Variants in NXPE2 observed in about 807,000 individuals in gnomAD.
NXPE2 encodes neurexophilin and PC-esterase domain family member 2.
NXPE2 carries 34 observed loss-of-function variants against 34.4 expected under a neutral mutation model. That is an observed-to-expected ratio of 0.99 (90% confidence interval 0.75 to 1.31). The LOEUF (loss-of-function observed/expected upper bound fraction) is 1.31. Among genes scored for constraint, NXPE2 ranks in the 40% most tolerant of loss-of-function variants. The pLI, the probability that NXPE2 is intolerant of heterozygous loss-of-function variation, is 0.00. For missense variants in NXPE2, 649 were observed against 672.5 expected (o/e 0.97, Z 0.39); for synonymous variants, 235 against 231.3 (o/e 1.02, Z -0.15).
At chr11:114,549,793 T>C in the NXPE2 span, among the ~76,000 whole-genome samples, 8 of 152,088 alleles carry the variant, frequency 5.3e-5, no homozygotes, top group Non-Finnish European at 1.0e-4. Context: ...AAATAATCTT[T>C]ATTTTCAGAT....
the NXPE2 span, among the ~76,000 whole-genome samples, chr11:114,715,101 T>C: frequency 2.0e-5 from 3 of 152,190 alleles, no homozygotes; most frequent in African/African-American, 2.4e-5. Context: ...ATAACACTGG[T>C]TGAGGATAGA....
chr11:114,603,778 G>A, the NXPE2 span, among the ~76,000 whole-genome samples: 2 of 142,824 alleles, frequency 1.4e-5, no homozygotes, highest in Admixed American at 1.4e-4. Context: ...GGTAACTACT[G>A]TTACCTGGAG....
intron 2 of NXPE2, among the ~76,000 whole-genome samples, chr11:114,693,521 T>C (rs1951191782): frequency 6.6e-6 from 1 of 152,188 alleles, no homozygotes; most frequent in Non-Finnish European, 1.5e-5. Flanking sequence ...ATAAAACAGA[T>C]TCAAGTAATA....
the NXPE2 span, among the ~76,000 whole-genome samples, chr11:114,555,393 AT>A: frequency 6.6e-6 from 1 of 152,004 alleles, no homozygotes. Context: ...TGCCCGGCTA[AT>A]TTTTTATATT....
the NXPE2 span, among the ~76,000 whole-genome samples, chr11:114,490,426 G>A: frequency 6.6e-6 from 1 of 152,152 alleles, no homozygotes; most frequent in Admixed American, 6.5e-5. Flanking sequence ...AAAGCTGGAG[G>A]CATCACGCTA....
chr11:114,550,973 G>C, the NXPE2 span: 4,507 of 600,524 alleles, frequency 7.5e-3, 170 homozygotes, highest in African/African-American at 0.075. Context: ...GTTAGGTAGA[G>C]AGAGAGAAGA....
At chr11:114,663,042 C>A in the NXPE2 span, among the ~76,000 whole-genome samples, 1 of 152,120 alleles carries the variant, frequency 6.6e-6, no homozygotes, top group Non-Finnish European at 1.5e-5. Context: ...CATTTCTGGT[C>A]CTGCTCTGCA....
chr11:114,655,483 T>C, the NXPE2 span, among the ~76,000 whole-genome samples: 1 of 152,202 alleles, frequency 6.6e-6, no homozygotes, highest in East Asian at 1.9e-4. Flanking sequence ...CTTTAATCCA[T>C]CTTGAGTGAA....
the NXPE2 span, among the ~76,000 whole-genome samples, chr11:114,656,654 A>G: frequency 1.3e-5 from 2 of 152,074 alleles, no homozygotes; most frequent in African/African-American, 2.4e-5. Flanking sequence ...CCCAAAATCA[A>G]TGGGCAAAAA....
the NXPE2 span, among the ~76,000 whole-genome samples, chr11:114,645,128 C>G: frequency 6.6e-6 from 1 of 151,852 alleles, no homozygotes; most frequent in South Asian, 2.1e-4. Context: ...ATGGTGAAAC[C>G]CCATCTTTAC....
the NXPE2 span, among the ~76,000 whole-genome samples, chr11:114,661,642 C>T: frequency 6.6e-6 from 1 of 152,200 alleles, no homozygotes; most frequent in Non-Finnish European, 1.5e-5. Flanking sequence ...GACATTTCCT[C>T]TTTATCTCAG....
At chr11:114,766,233 G>T in the NXPE2 span, among the ~76,000 whole-genome samples, 4 of 152,092 alleles carry the variant, frequency 2.6e-5, no homozygotes, top group Admixed American at 6.6e-5. Flanking sequence ...ATCACAGAGA[G>T]CTCTGACTTG....
chr11:114,729,096 CA>C, the NXPE2 span, among the ~76,000 whole-genome samples: 2 of 151,880 alleles, frequency 1.3e-5, no homozygotes, highest in African/African-American at 4.8e-5. Context: ...TAGTAGTCCC[CA>C]CTATTGTTGC....
At chr11:114,663,678 T>TTATCTATCTATCTATC in the NXPE2 span, among the ~76,000 whole-genome samples, 3,089 of 145,998 alleles carry the variant, frequency 0.021, 39 homozygotes, top group Admixed American at 0.024. Flanking sequence ...ATCTATCTAT[T>TTATCTATCTATCTATC]TATCTATCTA....
rs1286494875 is a variant in NXPE2 at position 114,706,867 on chromosome 11, T to C, written c.1617T>C (p.Asn539=). The change falls in exon 6 of 6, where the codon AAT becomes AAC. Residue 539 remains asparagine (N), a synonymous_variant. Transcript: ENST00000389586. ...TGACGATTGCATATTGCACCAACAA[T>C]GCCCATCCACCGGATTATGTGATTC... ...WDMTIAYCTN[N]AHPPDYVIQN... is the part of the protein sequence containing the mutation. 5 of 1,551,936 alleles carry C rather than the reference T, an allele frequency of 3.2e-6. No individual in the cohort carries two copies. Among genetic ancestry groups the C allele is most frequent in the Non-Finnish European group, 3.5e-6 (4 of 1,146,916 alleles).
chr11:114,541,786 C>G, the NXPE2 span, among the ~76,000 whole-genome samples: 4 of 152,202 alleles, frequency 2.6e-5, no homozygotes, highest in Admixed American at 1.3e-4. Context: ...AAAATCAGAG[C>G]TTAGTCCTCA....
chr11:114,634,427 G>T, the NXPE2 span, among the ~76,000 whole-genome samples: 3 of 152,058 alleles, frequency 2.0e-5, no homozygotes, highest in Non-Finnish European at 4.4e-5. Flanking sequence ...TGTTCACTCT[G>T]ATGGTAGTTT....
the NXPE2 span, chr11:114,554,323 G>T: frequency 2.0e-6 from 2 of 984,830 alleles, no homozygotes; most frequent in Non-Finnish European, 2.4e-6. Flanking sequence ...CCTCCTCCAG[G>T]TTCTCTTTCC....
intron 3 of NXPE2, 133 bp from the exon 4 acceptor site, chr11:114,703,858 A>G (rs1283080153): frequency 1.5e-6 from 1 of 665,766 alleles, no homozygotes; most frequent in African/African-American, 1.8e-5. Context: ...TAACTTCCCC[A>G]GGATATCTTA....
Sources: allele counts gnomAD v4.1 joint callset (sites outside exome capture counted in the v4.1 genomes callset), GRCh38; gene constraint gnomAD v4.1.1; transcripts MANE v1.5; gene names NCBI Gene and HGNC (gene_info 2026-07-23, HGNC 2026-07-21).